The following PTPRD variants were observed in gnomAD, a reference collection of about 807,000 sequenced individuals.
PTPRD encodes the protein receptor-type tyrosine-protein phosphatase delta.
A neutral mutation model predicts 214.5 loss-of-function variants in PTPRD; 34 were observed. The observed-to-expected ratio is 0.16, with a 90% CI of 0.12 to 0.21. The LOEUF is 0.21. Among genes scored for constraint, PTPRD ranks in the 10% least tolerant of loss-of-function variants. The pLI, the probability that PTPRD is intolerant of heterozygous loss-of-function variation, is 1.00. For missense variants in PTPRD, 2,545 were observed against 2,398.7 expected, an observed-to-expected ratio of 1.06 and a Z score of -1.27; for synonymous variants, 1,128 against 845.7, an observed-to-expected ratio of 1.33 and a Z score of -5.79.
At chr9:8,635,546 C>T (rs1595767334) in intron 13 of PTPRD, among the ~76,000 whole-genome samples, 1 of 152,028 alleles carries the variant, frequency 6.6e-6, no homozygotes, top group East Asian at 1.9e-4. Flanking sequence ...TCTAATTTCA[C>T]CATTGTAATT....
intron 12 of PTPRD, among the ~76,000 whole-genome samples, chr9:8,655,957 G>C (rs903971957): frequency 2.0e-5 from 3 of 152,088 alleles, no homozygotes; most frequent in African/African-American, 4.8e-5. Flanking sequence ...GTGCAGAAGA[G>C]AAAGTCCTGT....
rs1246819365 is a variant in PTPRD, at chr9:8,486,201, C to T, written c.2616G>A (p.Glu872=). ...RKDMEPLTTL[E]FSEKEDHFTA... is the part of the protein sequence containing the mutation. ...TAAAGTGATCTTCTTTTTCAGAGAA[C>T]TCAAGAGTAGTAAGTGGCTCCATAT... Residue 872 remains glutamate (E), a synonymous_variant, in exon 28 of 46, where the codon GAG becomes GAA. Transcript: ENST00000381196. 1 of 1,614,182 alleles carries T rather than the reference C, an allele frequency of 6.2e-7. No homozygotes were observed. Among genetic ancestry groups the T allele is most frequent in the East Asian group, 2.2e-5 (1 of 44,876 alleles).
At chr9:9,176,138 G>T (rs944049082) in intron 10 of PTPRD, among the ~76,000 whole-genome samples, 1 of 152,166 alleles carries the variant, frequency 6.6e-6, no homozygotes. Flanking sequence ...TGAAGAGCAT[G>T]AGGCAGATAA....
intron 10 of PTPRD, among the ~76,000 whole-genome samples, chr9:9,041,551 T>C (rs921760367): frequency 1.1e-4 from 17 of 152,238 alleles, no homozygotes; most frequent in Non-Finnish European, 2.5e-4. Context: ...GATCTCATTC[T>C]TTTTGATGGC....
chr9:8,838,863 T>C (rs2570964), intron 11 of PTPRD, among the ~76,000 whole-genome samples: 77,324 of 151,700 alleles, frequency 0.51, 20,657 homozygotes, highest in African/African-American at 0.68. Context: ...ATTGAAATCA[T>C]AGGAAAGAAA....
chr9:10,283,472 T>C lies in PTPRD; in HGVS notation c.-545+57491A>G, dbSNP rs143472019. Among the ~76,000 whole-genome samples the C allele has an allele frequency of 4.6e-4, 70 of 152,330 alleles. No homozygotes were observed. The East Asian group carries it at 0.011, about 25-fold the overall frequency. Reference sequence around the variant, plus strand: ...TTGAGTAAGTTAACTAAAGATTAAATTGTCTCTTTGTTATTGTTATTTGCA... The same window carrying C: ...TTGAGTAAGTTAACTAAAGATTAAACTGTCTCTTTGTTATTGTTATTTGCA... On this transcript the variant is annotated intron_variant, in intron 3 of 45. Transcript: ENST00000381196.
chr9:10,297,545 G>C (rs1039320013), intron 3 of PTPRD, among the ~76,000 whole-genome samples: 8 of 150,068 alleles, frequency 5.3e-5, no homozygotes, highest in Non-Finnish European at 5.9e-5. Flanking sequence ...GTGATGCTTA[G>C]AGTTTAGAGA....
chr9:10,551,352 T>A (rs1317021771), intron 2 of PTPRD, among the ~76,000 whole-genome samples: 3 of 152,000 alleles, frequency 2.0e-5, no homozygotes, highest in African/African-American at 7.3e-5. Flanking sequence ...AAATAAAAAA[T>A]AAAAATAAAA....
chr9:9,198,419 C>A (rs1050711455), intron 9 of PTPRD, among the ~76,000 whole-genome samples: 10 of 149,588 alleles, frequency 6.7e-5, no homozygotes, highest in Non-Finnish European at 1.3e-4. Flanking sequence ...TTTTTTTTTT[C>A]TTTTATTCAT....
intron 7 of PTPRD, among the ~76,000 whole-genome samples, chr9:9,733,902 G>T (rs1329178167): frequency 3.3e-5 from 5 of 152,140 alleles, no homozygotes; most frequent in African/African-American, 1.2e-4. Context: ...AGACTGGGTG[G>T]ATTCAAACAT....
intron 10 of PTPRD, among the ~76,000 whole-genome samples, chr9:9,099,662 A>T (rs1248169850): frequency 6.6e-6 from 1 of 152,204 alleles, no homozygotes; most frequent in Non-Finnish European, 1.5e-5. Flanking sequence ...TTAAGAATAA[A>T]AATATTCCAT....
chr9:8,473,971 GCT>G (rs2096712005), intron 30 of PTPRD, among the ~76,000 whole-genome samples: 1 of 152,178 alleles, frequency 6.6e-6, no homozygotes, highest in African/African-American at 2.4e-5. Context: ...TTTCAACTGT[GCT>G]CTCTGCAACT....
At chr9:10,576,023 G>T (rs2069187620) in intron 2 of PTPRD, among the ~76,000 whole-genome samples, 1 of 152,126 alleles carries the variant, frequency 6.6e-6, no homozygotes, top group Non-Finnish European at 1.5e-5. Flanking sequence ...AGGAACATAT[G>T]CATTAGAAAG....
chr9:9,622,712 G>A (rs966184405), intron 7 of PTPRD, among the ~76,000 whole-genome samples: 1 of 152,130 alleles, frequency 6.6e-6, no homozygotes, highest in Admixed American at 6.6e-5. Context: ...AAATAACATA[G>A]ATATATTAAG....
intron 11 of PTPRD, among the ~76,000 whole-genome samples, chr9:8,738,302 A>G (rs2090996722): frequency 6.6e-6 from 1 of 152,188 alleles, no homozygotes; most frequent in Non-Finnish European, 1.5e-5. Flanking sequence ...TACCATTGTA[A>G]CACTTTTCTG....
intron 4 of PTPRD, among the ~76,000 whole-genome samples, chr9:9,999,089 T>G (rs778538350): frequency 6.6e-6 from 1 of 152,128 alleles, no homozygotes. Context: ...AACTAGCAAA[T>G]GGCCAACCCC....
chr9:8,389,388 A>G lies in PTPRD; in HGVS notation c.4230T>C (p.Tyr1410=), dbSNP rs1321018178. Residue 1410 remains tyrosine (Y), a synonymous_variant, in exon 37 of 46, where the codon TAT becomes TAC. Transcript: ENST00000381196. ...SAIEGIPGSD[Y]VNANYIDGYR... is the part of the protein sequence containing the mutation. The stretch of plus-strand genomic sequence containing the variant: ...ACCCATCTATGTAGTTGGCATTCAC[A>G]TAGTCACTTCCTGGGATCCCTGGAA... 6.2e-7 allele frequency: 1 copy of G among 1,609,508 alleles called. No individual in the cohort carries two copies. The highest frequency in any genetic ancestry group is 8.5e-7 in the Non-Finnish European group (1 of 1,178,076).
chr9:9,831,717 G>GTAATTCCC (rs1331524112), intron 5 of PTPRD, among the ~76,000 whole-genome samples: 1 of 151,916 alleles, frequency 6.6e-6, no homozygotes, highest in Non-Finnish European at 1.5e-5. Flanking sequence ...GACAAACTGC[G>GTAATTCCC]TAATTTCCCT....
At chr9:9,913,615 C>G (rs2153832997) in intron 5 of PTPRD, among the ~76,000 whole-genome samples, 1 of 152,220 alleles carries the variant, frequency 6.6e-6, no homozygotes, top group East Asian at 1.9e-4. Context: ...TCTCCCCAAC[C>G]CTGATCTAAT....
Sources: gnomAD v4.1 joint callset for allele counts (sites outside exome capture counted in the v4.1 genomes callset) on GRCh38, gnomAD v4.1.1 for gene constraint, MANE v1.5 for transcripts, NCBI Gene and HGNC (gene_info 2026-07-23, HGNC 2026-07-21) for gene names.